Variants in FRAS1 observed in about 807,000 individuals in gnomAD.
FRAS1 encodes the protein Fraser extracellular matrix complex subunit 1, also known as extracellular matrix organizing protein FRAS1.
A neutral mutation model predicts 435.2 loss-of-function variants in FRAS1; 290 were observed. The observed-to-expected ratio is 0.67, with a 90% confidence interval of 0.61 to 0.73. FRAS1 has a LOEUF of 0.73. FRAS1 is among the 30% of genes least tolerant of loss of function. The pLI is 0.00. For missense variants in FRAS1, 4,860 were observed against 5,001.5 expected, an observed-to-expected ratio of 0.97 and a Z score of 0.85; for synonymous variants, 1,800 against 1,851.0, an observed-to-expected ratio of 0.97 and a Z score of 0.71.
At chr4:78,217,077 A>G (rs1020299255) in intron 2 of FRAS1, among the ~76,000 whole-genome samples, 1 of 136,934 alleles carries the variant, frequency 7.3e-6, no homozygotes, top group African/African-American at 2.5e-5. Context: ...AGATAGCTAG[A>G]TAACTAGATA....
At chr4:78,517,277 T>A (rs1721240394) in intron 66 of FRAS1, among the ~76,000 whole-genome samples, 1 of 152,238 alleles carries the variant, frequency 6.6e-6, no homozygotes, top group South Asian at 2.1e-4. Flanking sequence ...TTTAAGGCGT[T>A]CATCGGTTTT....
At chr4:78,085,491 C>T (rs184695971) in intron 2 of FRAS1, among the ~76,000 whole-genome samples, 1 of 152,240 alleles carries the variant, frequency 6.6e-6, no homozygotes, top group East Asian at 1.9e-4. Flanking sequence ...TAGCAACAGT[C>T]ACCTGGTGAT....
At chr4:78,251,076 C>T (rs1341315565) in intron 4 of FRAS1, among the ~76,000 whole-genome samples, 1 of 152,054 alleles carries the variant, frequency 6.6e-6, no homozygotes, top group Non-Finnish European at 1.5e-5. Context: ...AATTTTAACT[C>T]ATTAAATCCT....
In FRAS1 at chr4:78,363,997, A is replaced by C; in HGVS notation, c.2665A>C (p.Thr889Pro). ...CAACCTCGTGCTGTCCCACACTGGC[A>C]CCTGCAGCACCACCTGCTTCCCTGG... Reference protein sequence around the residue: ...DTNLVLSHTGTCSTTCFPGHY... With the variant: ...DTNLVLSHTGPCSTTCFPGHY... Residue 889 changes from threonine (T) to proline (P), a missense_variant, in exon 22 of 74, where the codon ACC becomes CCC. By Grantham distance (38) the Thr-to-Pro change is conservative (BLOSUM62 -1). Transcript: ENST00000512123. 2 of 1,609,124 alleles carry C rather than the reference A, an allele frequency of 1.2e-6. No individual in the cohort carries two copies.
chr4:78,360,678 G>A (rs1284873278), intron 20 of FRAS1, among the ~76,000 whole-genome samples: 1 of 152,190 alleles, frequency 6.6e-6, no homozygotes. Flanking sequence ...GCAGAGTGGG[G>A]TAGTGACTTC....
At chr4:78,322,379 T>A (rs761265949) in intron 18 of FRAS1, among the ~76,000 whole-genome samples, 1 of 152,212 alleles carries the variant, frequency 6.6e-6, no homozygotes, top group Non-Finnish European at 1.5e-5. Context: ...GTTGTGTGTA[T>A]GTGTGTGCGT....
At chr4:78,089,744 TTTTTC>T (rs1301465317) in intron 2 of FRAS1, among the ~76,000 whole-genome samples, 1 of 152,144 alleles carries the variant, frequency 6.6e-6, no homozygotes, top group Non-Finnish European at 1.5e-5. Flanking sequence ...AAACTTTGCT[TTTTTC>T]TTTTCTTTTT....
rs3086797 is a variant in FRAS1 at position 78,373,446 on chromosome 4, CTAATAATAATAA to C, written c.3010+618_3011-624del. On this transcript the variant is annotated intron_variant, in intron 24 of 73. Transcript: ENST00000512123. ...GCAAAACAGTACTGAGAGCCAAGGA[CTAATAATAATAA>C]TAATAATAATAATAATAATAATAAT... Among the ~76,000 whole-genome samples, 70 of 138,912 alleles carry C rather than the reference CTAATAATAATAA, an allele frequency of 5.0e-4. 1 individual carries two copies. The East Asian group carries it at 6.6e-3, about 13-fold the overall frequency. 91.1% of individuals were successfully genotyped at this position (138,912 alleles called of 152,430 possible).
intron 2 of FRAS1, among the ~76,000 whole-genome samples, chr4:78,220,497 T>G (rs1019025921): frequency 6.6e-6 from 1 of 152,182 alleles, no homozygotes. Context: ...ATGTCGAGGT[T>G]GAGACAAGTC....
At chr4:78,420,093 C>T (rs1167672215) in intron 33 of FRAS1, among the ~76,000 whole-genome samples, 2 of 152,174 alleles carry the variant, frequency 1.3e-5, no homozygotes. Context: ...CTGCTCCTCA[C>T]AGAAAGAAGA....
intron 2 of FRAS1, among the ~76,000 whole-genome samples, chr4:78,129,971 G>A (rs1269404557): frequency 1.3e-5 from 2 of 152,132 alleles, no homozygotes; most frequent in Admixed American, 1.3e-4. Context: ...CTCAGTGTCT[G>A]TTGCTACTTG....
At chr4:78,376,739 C>T (rs1731781643) in intron 26 of FRAS1, among the ~76,000 whole-genome samples, 2 of 152,074 alleles carry the variant, frequency 1.3e-5, no homozygotes, top group Admixed American at 1.3e-4. Flanking sequence ...GCCTGTAATC[C>T]CAGCACATTG....
intron 56 of FRAS1, 31 bp from the exon 57 acceptor site, chr4:78,481,773 A>G: frequency 6.2e-7 from 1 of 1,612,072 alleles, no homozygotes; most frequent in Non-Finnish European, 8.5e-7. Flanking sequence ...CTCAAAGTTG[A>G]CCATTAAAAT....
In FRAS1 at chr4:78,420,787, A is replaced by G. The variant is rs138270486; in HGVS notation, c.4541-1076A>G. ...TTACCAAGTCTGTGACTTTTGGTAA[A>G]TTACCTGGTCTAGGCTATGGTAGGG... On this transcript the variant is annotated intron_variant, in intron 33 of 73. Transcript: ENST00000512123. Among the ~76,000 whole-genome samples, 103 of 151,024 alleles carry G rather than the reference A, an allele frequency of 6.8e-4. 1 individual carries two copies. The Middle Eastern group carries it at 0.024, about 36-fold the overall frequency.
chr4:78,397,985 T>C (rs1305446793), intron 29 of FRAS1, among the ~76,000 whole-genome samples: 2 of 152,154 alleles, frequency 1.3e-5, no homozygotes, highest in African/African-American at 4.8e-5. Context: ...TTTACTCCAC[T>C]GGGGTACTGG....
intron 30 of FRAS1, among the ~76,000 whole-genome samples, chr4:78,404,005 A>G (rs1733004767): frequency 2.0e-5 from 3 of 152,246 alleles, no homozygotes; most frequent in East Asian, 1.9e-4. Context: ...CTCAAGGAGT[A>G]TCTGTATAAA....
intron 15 of FRAS1, among the ~76,000 whole-genome samples, chr4:78,308,503 C>G (rs1483162037): frequency 6.6e-6 from 1 of 152,216 alleles, no homozygotes; most frequent in African/African-American, 2.4e-5. Context: ...GGGAAAGGAG[C>G]TGGGCTCCCA....
chr4:78,255,190 G>C (rs1725734254), intron 5 of FRAS1, 52 bp from the exon 6 acceptor site: 4 of 1,545,588 alleles, frequency 2.6e-6, no homozygotes, highest in Non-Finnish European at 2.6e-6. Context: ...AGTCAGCCCT[G>C]GGATCAACAA....
chr4:78,424,117 G>T (rs1448116149), intron 34 of FRAS1, among the ~76,000 whole-genome samples: 7 of 152,112 alleles, frequency 4.6e-5, no homozygotes, highest in Non-Finnish European at 1.0e-4. Context: ...GTGATAAAAT[G>T]GGTTCTGAAT....
Sources: allele counts gnomAD v4.1 joint callset (sites outside exome capture counted in the v4.1 genomes callset), GRCh38; gene constraint gnomAD v4.1.1; transcripts MANE v1.5; gene names NCBI Gene and HGNC (gene_info 2026-07-23, HGNC 2026-07-21).